RUSC1: variants seen among roughly 807,000 people sequenced by gnomAD.
RUSC1 encodes RUN and SH3 domain containing 1, also known as AP-4 complex accessory subunit RUSC1.
A neutral mutation model predicts 72.1 loss-of-function variants in RUSC1; 40 were observed. The observed-to-expected ratio is 0.55, with a 90% CI of 0.43 to 0.72. The LOEUF (loss-of-function observed/expected upper bound fraction) is 0.72. Ranked by LOEUF, RUSC1 falls within the 30% of genes least tolerant of loss-of-function variation. The pLI is 0.00. For missense variants in RUSC1, 1,092 were observed against 1,172.3 expected, an observed-to-expected ratio of 0.93 and a Z score of 1.00; for synonymous variants, 512 against 494.2, an observed-to-expected ratio of 1.04 and a Z score of -0.48.
In RUSC1 at chr1:155,320,897, C is replaced by T. The variant is rs1650338324; in HGVS notation, c.-181C>T. ...GCTGCGCAGCGCAGGGTAGGTTGTG[C>T]TAGTGCCCCTCCCCTCCCGCTCTGT... On this transcript the variant is annotated 5_prime_UTR_variant, in exon 1 of 10. Transcript: ENST00000368352. 2 of 1,598,516 alleles carry T rather than the reference C, an allele frequency of 1.3e-6. No individual in the cohort carries two copies. The highest frequency in any genetic ancestry group is 1.7e-4 in the Middle Eastern group (1 of 5,952).
In RUSC1 at chr1:155,328,261, G is replaced by T; in HGVS notation, c.2526G>T (p.Met842Ile). 6.2e-7 allele frequency: 1 copy of T among 1,611,876 alleles called. No individual in the cohort carries two copies. Among genetic ancestry groups the T allele is most frequent in the Non-Finnish European group, 8.5e-7 (1 of 1,178,966 alleles). Residue 842 changes from methionine (M) to isoleucine (I), a missense_variant, in exon 9 of 10, where the codon ATG (methionine) becomes ATT (isoleucine). By Grantham distance (10) the Met-to-Ile change is conservative. Coordinates refer to ENST00000368352, the MANE Select transcript of RUSC1 (RefSeq NM_001105203.2). ...AGCTTGAGGCCTCAGCACCCAGGAT[G>T]GTGCAAACCCATAGGTAAGGAGGAT... ...PQELEASAPRMVQTHRAVRAL... is the reference protein window; with the variant it reads ...PQELEASAPRIVQTHRAVRAL...
chr1:155,326,835 T>G lies in RUSC1; in HGVS notation c.2117T>G (p.Leu706Arg), dbSNP rs1651467724. 1 of 1,613,468 alleles carries G rather than the reference T, an allele frequency of 6.2e-7. No homozygotes were observed. The highest frequency in any genetic ancestry group is 8.5e-7 in the Non-Finnish European group (1 of 1,180,052). ...TTTGGGGGCCGGCTGGCCCAGAGCC[T>G]TCGGGGGACTTCCAAGGAAGCTGCT... ...LHFGGRLAQS[L>R]RGTSKEAASD... Residue 706 changes from leucine (L) to arginine (R), a missense_variant, in exon 8 of 10, where the codon CTT (leucine) becomes CGT (arginine). Transcript: ENST00000368352. This position sits in a 1 kb window ranked among gnomAD's most constrained non-coding sequence, Gnocchi z 4.7.
chr1:155,330,323 G>T (rs1651878313), intron 9 of RUSC1, 80 bp from the exon 10 acceptor site: 1 of 1,411,640 alleles, frequency 7.1e-7, no homozygotes, highest in Non-Finnish European at 9.9e-7. Context: ...ACCAACAAGG[G>T]CACTCTAGAG....
Position 155,325,906 on chromosome 1 carries a change from T to C in RUSC1, c.1857T>C (p.Asp619=), listed in dbSNP as rs771543531. The C allele has an allele frequency of 3.7e-6, 6 of 1,614,056 alleles. No homozygotes were observed. Among genetic ancestry groups the C allele is most frequent in the Admixed American group, 1.7e-5 (1 of 60,012 alleles). ...TGTGGTTTTCCAGTCTCCAGGAAGA[T>C]GCAGGTCAGAGGTTCAGATGGTAGA... is the stretch of plus-strand genomic sequence containing the variant. ...LELWFSSLQE[D]AGLLSLLYLP... The change falls in exon 7 of 10, where the codon GAT becomes GAC. Residue 619 remains aspartate, a synonymous_variant. Coordinates refer to ENST00000368352, the MANE Select transcript of RUSC1 (RefSeq NM_001105203.2). This position sits in a 1 kb window ranked among gnomAD's most constrained non-coding sequence, Gnocchi z 6.5.
chr1:155,325,205 G>T lies in RUSC1; in HGVS notation c.1533+27G>T. On this transcript the variant is annotated intron_variant, in intron 4 of 9. Coordinates refer to ENST00000368352, the MANE Select transcript of RUSC1 (RefSeq NM_001105203.2). This position sits in a 1 kb window ranked among gnomAD's most constrained non-coding sequence, Gnocchi z 6.5. ...TGAAGGTGGCTGGGGGGAGGCTGTTGGGATGAGGAGAGTAATGGAGCTCCG... is the reference window on the plus strand; with the variant it reads ...TGAAGGTGGCTGGGGGGAGGCTGTTTGGATGAGGAGAGTAATGGAGCTCCG... The T allele has an allele frequency of 6.2e-7, 1 of 1,614,100 alleles. No homozygotes were observed. The highest frequency in any genetic ancestry group is 8.5e-7 in the Non-Finnish European group (1 of 1,180,028).
chr1:155,321,516 T>G, intron 1 of RUSC1, 172 bp from the exon 2 acceptor site: 1 of 1,436,414 alleles, frequency 7.0e-7, no homozygotes, highest in South Asian at 1.2e-5. Context: ...CGACTCCATC[T>G]GCAAACACTG....
rs376381554 is a variant in RUSC1 at position 155,330,509 on chromosome 1, C to T, written c.2647C>T (p.Arg883Cys). The change falls in exon 10 of 10, where the codon CGC (arginine) becomes TGC (cysteine). Residue 883 changes from arginine to cysteine, a missense_variant. By Grantham distance (180) the Arg-to-Cys change is radical. Coordinates refer to ENST00000368352, the MANE Select transcript of RUSC1 (RefSeq NM_001105203.2). ...CACCACAGTGGATGAGGACTGGCTC[C>T]GCTGTGGGCGGGATGGCATGGAGGG... is the stretch of plus-strand genomic sequence containing the variant. ...VITTVDEDWL[R>C]CGRDGMEGLV... 2.1e-5 allele frequency: 34 copies of T among 1,613,910 alleles called. No individual in the cohort carries two copies. Among genetic ancestry groups the T allele is most frequent in the South Asian group, 6.6e-5 (6 of 91,064 alleles).
chr1:155,322,828 TC>T lies in RUSC1; in HGVS notation c.1062del (p.Ser355ArgfsTer66). On this transcript the variant is annotated frameshift_variant, in exon 2 of 10. Coordinates refer to ENST00000368352, the MANE Select transcript of RUSC1 (RefSeq NM_001105203.2). LOFTEE classifies it high-confidence loss of function. ...WLIVFSPDTE[L>X]PPSGSPGGSS... ...ATAGTCTTCTCGCCCGACACCGAGC[TC>T]CCCCCCTCGGGGTCGCCGGGCGGCT... The T allele has an allele frequency of 3.1e-6, 5 of 1,611,104 alleles. No homozygotes were observed. Among genetic ancestry groups the T allele is most frequent in the Non-Finnish European group, 4.2e-6 (5 of 1,179,094 alleles).
At chr1:155,327,578 G>T (rs560070046) in intron 8 of RUSC1, among the ~76,000 whole-genome samples, 1 of 152,120 alleles carries the variant, frequency 6.6e-6, no homozygotes, top group Non-Finnish European at 1.5e-5. Context: ...CTATCTGGTC[G>T]TTTAGAAAAA....
At chr1:155,329,953 GAAAAAAAAA>G (rs1025418792) in intron 9 of RUSC1, among the ~76,000 whole-genome samples, 1 of 45,974 alleles carries the variant, frequency 2.2e-5, no homozygotes, top group African/African-American at 6.7e-5. Context: ...TCTGTCTCAA[GAAAAAAAAA>G]AAAAAAAAAA....
chr1:155,325,063 C>G lies in RUSC1; in HGVS notation c.1457-39C>G. 1 of 1,614,104 alleles carries G rather than the reference C, an allele frequency of 6.2e-7. No homozygotes were observed. Among genetic ancestry groups the G allele is most frequent in the Non-Finnish European group, 8.5e-7 (1 of 1,179,972 alleles). On this transcript the variant is annotated intron_variant, in intron 3 of 9. Coordinates refer to ENST00000368352, the MANE Select transcript of RUSC1 (RefSeq NM_001105203.2). This position sits in a 1 kb window ranked among gnomAD's most constrained non-coding sequence, Gnocchi z 6.5. ...CCCCTCGGGCAAGCCTGGGTAGGGG[C>G]GCGGCCTCCTAGCGTCTTCCCTTTC...
intron 2 of RUSC1, chr1:155,324,411 T>C (rs1217873809): frequency 6.2e-7 from 1 of 1,612,960 alleles, no homozygotes; most frequent in Non-Finnish European, 8.5e-7. Context: ...TGTCTTTCCA[T>C]TGGTCCATGC....
At chr1:155,329,684 G>A (rs565604937) in intron 9 of RUSC1, among the ~76,000 whole-genome samples, 36 of 151,546 alleles carry the variant, frequency 2.4e-4, no homozygotes, top group Non-Finnish European at 4.4e-4. Context: ...GAGCCACCAC[G>A]CCTGGCCTAA....
chr1:155,326,761 T>C lies in RUSC1; in HGVS notation c.2043T>C (p.Pro681=). The C allele has an allele frequency of 1.2e-6, 2 of 1,613,018 alleles. No individual in the cohort carries two copies. Among genetic ancestry groups the C allele is most frequent in the Non-Finnish European group, 1.7e-6 (2 of 1,180,016 alleles). ...TGGGCCCACCTCAGGCCCCTGCCCC[T>C]CCAGGCCCACCTCCAGCTCTGCAGC... ...LPLGPPQAPA[P]PGPPPALQQT... is the part of the protein sequence containing the mutation. Residue 681 remains proline, a synonymous_variant, in exon 8 of 10, where the codon CCT becomes CCC. Transcript: ENST00000368352. This position sits in a 1 kb window ranked among gnomAD's most constrained non-coding sequence, Gnocchi z 4.7.
intron 2 of RUSC1, chr1:155,324,606 G>T: frequency 6.5e-7 from 1 of 1,540,952 alleles, no homozygotes; most frequent in Non-Finnish European, 8.7e-7. Context: ...TGTGCCCTGA[G>T]GGAGGGCACA....
In RUSC1 at chr1:155,326,817, G is replaced by A. The variant is rs769491020; in HGVS notation, c.2099G>A (p.Gly700Asp). The change falls in exon 8 of 10, where the codon GGC becomes GAC. Residue 700 changes from glycine to aspartate, a missense_variant. Physicochemically the swap from Gly to Asp is moderately conservative, Grantham distance 94. Coordinates refer to ENST00000368352, the MANE Select transcript of RUSC1 (RefSeq NM_001105203.2). This position sits in a 1 kb window ranked among gnomAD's most constrained non-coding sequence, Gnocchi z 4.7. ...QTMQAMLHFGGRLAQSLRGTS... is the reference protein window; with the variant it reads ...QTMQAMLHFGDRLAQSLRGTS... ...ATGCAAGCCATGCTGCACTTTGGGG[G>A]CCGGCTGGCCCAGAGCCTTCGGGGG... 2 of 1,613,378 alleles carry A rather than the reference G, an allele frequency of 1.2e-6. No individual in the cohort carries two copies. The highest frequency in any genetic ancestry group is 2.2e-5 in the East Asian group (1 of 44,890).
At position 155,330,321 on chromosome 1, in the gene RUSC1, G is replaced by A. The variant is rs949786033; in HGVS notation, c.2541-82G>A. 10 of 1,401,726 alleles carry A rather than the reference G, an allele frequency of 7.1e-6. No individual in the cohort carries two copies. The Admixed American group carries it at 7.4e-5, about 10-fold the overall frequency. The allele number at this position is 1,401,726 out of a possible 1,614,324, so 86.8% of individuals were successfully genotyped here. On this transcript the variant is annotated intron_variant, in intron 9 of 9. Transcript: ENST00000368352. ...AATGTCCACTGAGCCAAACCAACAA[G>A]GGCACTCTAGAGGTGACGCCTGGGG...
rs1469516878 is a variant in RUSC1 at position 155,330,448 on chromosome 1, G to T, written c.2586G>T (p.Gln862His). Residue 862 changes from glutamine (Q) to histidine (H), a missense_variant, in exon 10 of 10, where the codon CAG becomes CAT. Physicochemically the swap from Gln to His is conservative, Grantham distance 24. Coordinates refer to ENST00000368352, the MANE Select transcript of RUSC1 (RefSeq NM_001105203.2). ...ATCACACTGCTGCAAGACCTGACCA[G>T]TTGAGCTTCCGGCGTGGGGAAGTGC... Reference protein sequence around the residue: ...LCDHTAARPDQLSFRRGEVLR... With the variant: ...LCDHTAARPDHLSFRRGEVLR... 11 of 1,613,480 alleles carry T rather than the reference G, an allele frequency of 6.8e-6. No individual in the cohort carries two copies. In the African/African-American group the frequency reaches 1.3e-4, roughly 20 times the overall value.
Position 155,321,733 on chromosome 1 carries a change from C to A in RUSC1, c.-41C>A, listed in dbSNP as rs762841744. The stretch of plus-strand genomic sequence containing the variant: ...GGTAGGTGGATGTGAGAGACCCTAC[C>A]CTTCTGGTTCTCTAGAAGCCATCCC... On this transcript the variant is annotated 5_prime_UTR_variant, in exon 2 of 10. Coordinates refer to ENST00000368352, the MANE Select transcript of RUSC1 (RefSeq NM_001105203.2). 2 of 1,610,720 alleles carry A rather than the reference C, an allele frequency of 1.2e-6. No homozygotes were observed. Among genetic ancestry groups the A allele is most frequent in the Middle Eastern group, 1.7e-4 (1 of 6,052 alleles).
Sources: allele counts gnomAD v4.1 joint callset (sites outside exome capture counted in the v4.1 genomes callset), GRCh38; gene constraint gnomAD v4.1.1; non-coding constraint Gnocchi (gnomAD v3.1); transcripts MANE v1.5; gene names NCBI Gene and HGNC (gene_info 2026-07-23, HGNC 2026-07-21).